The following TNIK variants were observed in gnomAD, a reference collection of about 807,000 sequenced individuals.
TNIK encodes the protein TRAF2 and NCK-interacting protein kinase.
TNIK carries 49 observed loss-of-function variants against 191.3 expected under a neutral mutation model. That is an observed-to-expected ratio of 0.26 (90% CI 0.20 to 0.32). The LOEUF (loss-of-function observed/expected upper bound fraction) is 0.32, where lower values mean the gene tolerates loss of function less well. Ranked by LOEUF, TNIK falls within the 10% of genes least tolerant of loss-of-function variation. TNIK has a pLI of 1.00. For missense variants in TNIK, 1,155 were observed against 1,702.3 expected (o/e 0.68, Z 5.66); for synonymous variants, 594 against 600.9 (o/e 0.99, Z 0.17).
chr3:171,273,573 T>C (rs1336829744), intron 2 of TNIK, among the ~76,000 whole-genome samples: 1 of 152,176 alleles, frequency 6.6e-6, no homozygotes, highest in Non-Finnish European at 1.5e-5. Context: ...TTTTCACGCA[T>C]GGATAGTTGT....
chr3:171,431,132 G>C (rs1725332841), intron 1 of TNIK, among the ~76,000 whole-genome samples: 1 of 151,812 alleles, frequency 6.6e-6, no homozygotes, highest in African/African-American at 2.4e-5. Context: ...TCTTTTGTAA[G>C]AACTTTCTTA....
intron 1 of TNIK, among the ~76,000 whole-genome samples, chr3:171,456,640 G>C (rs1049032752): frequency 6.6e-6 from 1 of 152,194 alleles, no homozygotes; most frequent in Non-Finnish European, 1.5e-5. Flanking sequence ...TCGTTTGCCT[G>C]CAGAGTAGGC....
intron 1 of TNIK, among the ~76,000 whole-genome samples, chr3:171,407,809 G>A (rs528163134): frequency 3.2e-4 from 49 of 152,220 alleles, no homozygotes; most frequent in Non-Finnish European, 5.4e-4. Context: ...TTCAACAGGC[G>A]CCCATCTATC....
chr3:171,108,139 G>A lies in TNIK; in HGVS notation c.2308C>T (p.Pro770Ser). 6.4e-7 allele frequency: 1 copy of A among 1,568,866 alleles called. No individual in the cohort carries two copies. The highest frequency in any genetic ancestry group is 8.6e-7 in the Non-Finnish European group (1 of 1,156,670). ...VRANSKSEGS[P>S]VLPHEPAKVK... ...TTCGCAGGCTCATGGGGGAGCACAG[G>A]TGATCCTTCTGACTTACTGTTGGCT... Residue 770 changes from proline to serine, a missense_variant, in exon 20 of 33, where the codon CCT (proline) becomes TCT (serine). Pro to Ser is a moderately conservative substitution (Grantham distance 74). Transcript: ENST00000436636.
chr3:171,088,581 A>G (rs913808069), intron 23 of TNIK, among the ~76,000 whole-genome samples: 1 of 152,194 alleles, frequency 6.6e-6, no homozygotes, highest in Non-Finnish European at 1.5e-5. Context: ...AAAAAAATGT[A>G]TGACTTGTGA....
intron 15 of TNIK, among the ~76,000 whole-genome samples, chr3:171,136,659 C>G (rs188142431): frequency 6.6e-6 from 1 of 152,262 alleles, no homozygotes; most frequent in Admixed American, 6.5e-5. Context: ...TTTCAGTGGT[C>G]TGAACACCTG....
chr3:171,227,511 T>C (rs1213460284), intron 3 of TNIK, among the ~76,000 whole-genome samples: 3 of 152,220 alleles, frequency 2.0e-5, no homozygotes, highest in African/African-American at 7.2e-5. Context: ...ACATCCTTGT[T>C]CTGCATTCAT....
At chr3:171,127,652 T>TA (rs892545362) in intron 16 of TNIK, among the ~76,000 whole-genome samples, 7 of 152,256 alleles carry the variant, frequency 4.6e-5, no homozygotes, top group South Asian at 4.1e-4. Context: ...GAAATTCCTG[T>TA]AAAAAAATGT....
chr3:171,087,273 A>C, intron 24 of TNIK, 69 bp downstream of exon 24: 14 of 1,587,674 alleles, frequency 8.8e-6, no homozygotes, highest in Admixed American at 1.7e-5. Flanking sequence ...TCATTCTTGA[A>C]GAGATCATGG....
At chr3:171,110,675 C>T in intron 19 of TNIK, 39 bp downstream of exon 19, 1 of 1,538,694 alleles carries the variant, frequency 6.5e-7, no homozygotes. Context: ...GCTTTCCTCC[C>T]AGGCAGTATT....
intron 2 of TNIK, among the ~76,000 whole-genome samples, chr3:171,314,793 C>T (rs1754424963): frequency 6.6e-6 from 1 of 152,060 alleles, no homozygotes; most frequent in African/African-American, 2.4e-5. Flanking sequence ...TGGCACTGTC[C>T]TGAATCTAGA....
At chr3:171,439,059 G>T (rs1036916687) in intron 1 of TNIK, among the ~76,000 whole-genome samples, 4 of 152,078 alleles carry the variant, frequency 2.6e-5, no homozygotes, top group African/African-American at 9.7e-5. Flanking sequence ...TTTAAAATCG[G>T]ACTAGCCAGG....
chr3:171,364,115 T>C (rs894457751), intron 2 of TNIK, among the ~76,000 whole-genome samples: 1 of 152,224 alleles, frequency 6.6e-6, no homozygotes, highest in Non-Finnish European at 1.5e-5. Flanking sequence ...TGAGCATTTA[T>C]ACTTATTAAA....
intron 2 of TNIK, among the ~76,000 whole-genome samples, chr3:171,290,559 T>A (rs986099180): frequency 5.9e-5 from 9 of 152,320 alleles, no homozygotes; most frequent in African/African-American, 2.2e-4. Flanking sequence ...AAATCAAATA[T>A]GCTGAACATT....
intron 7 of TNIK, among the ~76,000 whole-genome samples, chr3:171,183,176 A>G (rs1736877813): frequency 6.6e-6 from 1 of 152,196 alleles, no homozygotes; most frequent in Non-Finnish European, 1.5e-5. Flanking sequence ...AGAAGCTTAC[A>G]GGAAGCAAAC....
intron 1 of TNIK, among the ~76,000 whole-genome samples, chr3:171,384,861 AT>A (rs1217809371): frequency 6.6e-6 from 1 of 152,360 alleles, no homozygotes; most frequent in Non-Finnish European, 1.5e-5. Context: ...GGCCACTAAT[AT>A]TTTTTAGCCT....
rs1717845255 is a variant in TNIK, at chr3:171,061,660, T to C, written c.*2221A>G. 6.6e-6 allele frequency: 1 copy of C among 152,218 alleles called. No homozygotes were observed. The highest frequency in any genetic ancestry group is 2.1e-4 in the South Asian group (1 of 4,826). 9.4% of individuals were successfully genotyped at this position (152,218 alleles called of 1,614,324 possible). ...TTGCAACATAATTTAAAGAAGCTTC[T>C]GGTTTAAAATACCACAGCAGCAATA... On this transcript the variant is annotated 3_prime_UTR_variant, in exon 33 of 33. Coordinates refer to ENST00000436636, the MANE Select transcript of TNIK (RefSeq NM_015028.4).
At chr3:171,100,750 A>G (rs1309561491) in intron 22 of TNIK, among the ~76,000 whole-genome samples, 5 of 151,188 alleles carry the variant, frequency 3.3e-5, no homozygotes, top group Admixed American at 3.3e-4. Context: ...CACCTTGAAA[A>G]AAAAAAAAAA....
chr3:171,149,984 A>C (rs184132883), intron 12 of TNIK, among the ~76,000 whole-genome samples: 1 of 152,218 alleles, frequency 6.6e-6, no homozygotes, highest in East Asian at 1.9e-4. Flanking sequence ...GAGATGGGGG[A>C]ATTAATTTTT....
Sources: gnomAD v4.1 joint callset for allele counts (sites outside exome capture counted in the v4.1 genomes callset) on GRCh38, gnomAD v4.1.1 for gene constraint, MANE v1.5 for transcripts, NCBI Gene and HGNC (gene_info 2026-07-23, HGNC 2026-07-21) for gene names.